Variants in ZNF804A observed in about 807,000 individuals in gnomAD.
The protein encoded by ZNF804A is zinc finger protein 804A.
A neutral mutation model predicts 16.5 loss-of-function variants in ZNF804A; 2 were observed. That is an observed-to-expected ratio of 0.12 (90% CI 0.05 to 0.38). ZNF804A has a LOEUF of 0.38. Among genes scored for constraint, ZNF804A ranks in the 10% least tolerant of loss-of-function variants. The probability of loss-of-function intolerance (pLI) is 0.99; values close to 1 mark genes in which losing one functional copy is unlikely to be tolerated. For missense variants in ZNF804A, 1,473 were observed against 1,390.7 expected, an observed-to-expected ratio of 1.06 and a Z score of -0.94; for synonymous variants, 534 against 489.6, an observed-to-expected ratio of 1.09 and a Z score of -1.20.
At chr2:184,842,323 T>C (rs1299319834) in intron 1 of ZNF804A, among the ~76,000 whole-genome samples, 2 of 152,152 alleles carry the variant, frequency 1.3e-5, no homozygotes, top group Non-Finnish European at 2.9e-5. Context: ...ATTGTTCCTC[T>C]TATTATGGAA....
intron 3 of ZNF804A, among the ~76,000 whole-genome samples, chr2:184,935,167 G>A (rs1685764596): frequency 6.6e-6 from 1 of 152,118 alleles, no homozygotes; most frequent in Non-Finnish European, 1.5e-5. Flanking sequence ...TTTACTGCAT[G>A]TTATGATATA....
intron 1 of ZNF804A, among the ~76,000 whole-genome samples, chr2:184,852,279 G>A (rs904522826): frequency 1.4e-5 from 2 of 148,012 alleles, no homozygotes; most frequent in Non-Finnish European, 1.5e-5. Context: ...CAGAATATCC[G>A]ATTGTACTGC....
intron 1 of ZNF804A, among the ~76,000 whole-genome samples, chr2:184,710,364 T>A (rs1013528343): frequency 1.3e-5 from 2 of 151,702 alleles, no homozygotes; most frequent in African/African-American, 4.8e-5. Flanking sequence ...TCATTCACTG[T>A]TGAATTGTTT....
intron 1 of ZNF804A, among the ~76,000 whole-genome samples, chr2:184,636,342 G>A (rs1322384902): frequency 5.3e-5 from 8 of 151,130 alleles, no homozygotes; most frequent in African/African-American, 1.7e-4. Flanking sequence ...GAGAGAAAGA[G>A]AGAGAGAAAT....
chr2:184,872,449 T>G (rs1380446104), intron 2 of ZNF804A, among the ~76,000 whole-genome samples: 1 of 152,126 alleles, frequency 6.6e-6, no homozygotes, highest in African/African-American at 2.4e-5. Flanking sequence ...TGTCTGGCTA[T>G]TATATTGCAT....
chr2:184,843,142 A>G (rs1274566193), intron 1 of ZNF804A, among the ~76,000 whole-genome samples: 1 of 152,144 alleles, frequency 6.6e-6, no homozygotes, highest in African/African-American at 2.4e-5. Context: ...TTTCGTGGGA[A>G]CTTTCTTTGA....
chr2:184,779,567 G>A (rs182878328), intron 1 of ZNF804A, among the ~76,000 whole-genome samples: 1 of 151,692 alleles, frequency 6.6e-6, no homozygotes, highest in Non-Finnish European at 1.5e-5. Context: ...TATGGAGATG[G>A]GCCCAATGTA....
chr2:184,894,519 C>T (rs1369892466), intron 2 of ZNF804A, among the ~76,000 whole-genome samples: 1 of 151,854 alleles, frequency 6.6e-6, no homozygotes, highest in African/African-American at 2.4e-5. Flanking sequence ...CTCTCTACTA[C>T]CCTTCCTTTT....
intron 1 of ZNF804A, among the ~76,000 whole-genome samples, chr2:184,756,035 T>G (rs1182083142): frequency 2.0e-5 from 3 of 152,036 alleles, no homozygotes; most frequent in Admixed American, 1.3e-4. Context: ...ACAAACTGTA[T>G]GAACACAAGT....
intron 1 of ZNF804A, among the ~76,000 whole-genome samples, chr2:184,647,688 G>GA (rs1218866337): frequency 2.0e-5 from 3 of 152,008 alleles, no homozygotes; most frequent in Non-Finnish European, 2.9e-5. Context: ...GAAAGACAAA[G>GA]AAAAAATGTT....
intron 1 of ZNF804A, among the ~76,000 whole-genome samples, chr2:184,805,333 T>C (rs552478260): frequency 6.6e-6 from 1 of 152,282 alleles, no homozygotes; most frequent in Non-Finnish European, 1.5e-5. Flanking sequence ...AACAGTGCCT[T>C]CTGTCTTTAA....
At chr2:184,767,121 T>A (rs2105766547) in intron 1 of ZNF804A, among the ~76,000 whole-genome samples, 1 of 152,272 alleles carries the variant, frequency 6.6e-6, no homozygotes, top group Middle Eastern at 3.4e-3. Flanking sequence ...CCTCCAAGAC[T>A]GAGGAATACA....
At position 184,938,714 on chromosome 2, in the gene ZNF804A, C is replaced by CGCTGCAGCTGCTGCAGCTGCA. The variant is rs746146750; in HGVS notation, c.3327_3347dup (p.Ala1113_Ala1119dup). ...TCCATCACACTGTTTTGCAGCAGCACGCTGCAGCTGCTGCAGCTGCAGCTG... is the reference window on the plus strand; with the variant it reads ...TCCATCACACTGTTTTGCAGCAGCACGCTGCAGCTGCTGCAGCTGCAGCTGCAGCTGCTGCAGCTGCAGCTG... On this transcript the variant is annotated inframe_insertion, in exon 4 of 4. Transcript: ENST00000302277. 7.4e-6 allele frequency: 12 copies of CGCTGCAGCTGCTGCAGCTGCA among 1,612,288 alleles called. No individual in the cohort carries two copies. Among genetic ancestry groups the CGCTGCAGCTGCTGCAGCTGCA allele is most frequent in the South Asian group, 3.3e-5 (3 of 91,056 alleles).
chr2:184,603,140 T>A (rs1691076916), intron 1 of ZNF804A, among the ~76,000 whole-genome samples: 1 of 152,182 alleles, frequency 6.6e-6, no homozygotes, highest in African/African-American at 2.4e-5. Flanking sequence ...ACTGCTAATT[T>A]ACTAATCGGT....
chr2:184,756,466 A>G (rs1412662873), intron 1 of ZNF804A, among the ~76,000 whole-genome samples: 4 of 152,044 alleles, frequency 2.6e-5, no homozygotes, highest in African/African-American at 4.8e-5. Flanking sequence ...ATACACTTAT[A>G]GAATACTTTC....
intron 1 of ZNF804A, among the ~76,000 whole-genome samples, chr2:184,755,051 A>G (rs945103908): frequency 2.0e-5 from 3 of 151,904 alleles, no homozygotes; most frequent in Non-Finnish European, 4.4e-5. Context: ...ATTTCGGATG[A>G]GATTTGCGTG....
At chr2:184,626,058 C>T (rs1005855506) in intron 1 of ZNF804A, among the ~76,000 whole-genome samples, 9 of 151,960 alleles carry the variant, frequency 5.9e-5, no homozygotes, top group African/African-American at 2.2e-4. Context: ...TTAATAGAGA[C>T]GGGGTTTCAC....
chr2:184,745,962 A>G (rs1693783539), intron 1 of ZNF804A, among the ~76,000 whole-genome samples: 1 of 151,698 alleles, frequency 6.6e-6, no homozygotes, highest in Non-Finnish European at 1.5e-5. Flanking sequence ...AAAATTTGAC[A>G]TTATTAAATA....
chr2:184,622,942 A>G (rs1691441354), intron 1 of ZNF804A, among the ~76,000 whole-genome samples: 1 of 151,996 alleles, frequency 6.6e-6, no homozygotes, highest in East Asian at 1.9e-4. Flanking sequence ...AACTTAGAAC[A>G]ATCTATCCCT....
Sources: allele counts gnomAD v4.1 joint callset (sites outside exome capture counted in the v4.1 genomes callset), GRCh38; gene constraint gnomAD v4.1.1; transcripts MANE v1.5; gene names NCBI Gene and HGNC (gene_info 2026-07-23, HGNC 2026-07-21).